Variants in EYA1 observed in about 807,000 individuals in gnomAD.
EYA1 encodes protein phosphatase EYA1.
A neutral mutation model predicts 82.0 loss-of-function variants in EYA1; 16 were observed. That is an observed-to-expected ratio of 0.20 (90% CI 0.13 to 0.30). The LOEUF is 0.30. EYA1 is among the 10% of genes least tolerant of loss of function. The pLI, the probability that EYA1 is intolerant of heterozygous loss-of-function variation, is 1.00. For missense variants in EYA1, 633 were observed against 730.7 expected, an observed-to-expected ratio of 0.87 and a Z score of 1.54; for synonymous variants, 261 against 264.4, an observed-to-expected ratio of 0.99 and a Z score of 0.12.
chr8:71,251,841 T>A (rs998136281), intron 11 of EYA1, among the ~76,000 whole-genome samples: 1 of 147,566 alleles, frequency 6.8e-6, no homozygotes, highest in East Asian at 1.9e-4. Context: ...ATTTTTTTTT[T>A]AATCCTCATC....
chr8:71,199,582 A>G (rs559441970), intron 17 of EYA1, among the ~76,000 whole-genome samples, 162 bp from the exon 18 acceptor site: 1 of 152,190 alleles, frequency 6.6e-6, no homozygotes, highest in South Asian at 2.1e-4. Flanking sequence ...TTCAAACTCA[A>G]TCCTCCCCTA....
chr8:71,423,058 G>GT (rs200977998), intron 2 of EYA1, among the ~76,000 whole-genome samples: 13 of 150,568 alleles, frequency 8.6e-5, no homozygotes, highest in South Asian at 4.2e-4. Context: ...CCTAAATCCT[G>GT]TTTTTTTTTC....
rs1432134967 is a variant in EYA1 at position 71,324,765 on chromosome 8, G to A, written c.203-2497C>T. ...CCTGCGTGGAAATTAGAACTTCACA[G>A]CCATCTTGTTTTCCCCTCTATTTCA... is the stretch of plus-strand genomic sequence containing the variant. On this transcript the variant is annotated intron_variant, in intron 4 of 17. Transcript: ENST00000340726. Among the ~76,000 whole-genome samples the A allele has an allele frequency of 2.6e-5, 4 of 152,208 alleles. No homozygotes were observed. In the East Asian group the frequency reaches 7.7e-4, roughly 29 times the overall value.
chr8:71,346,529 AC>A (rs1329996265), intron 3 of EYA1, among the ~76,000 whole-genome samples: 1 of 147,684 alleles, frequency 6.8e-6, no homozygotes, highest in Non-Finnish European at 1.5e-5. Context: ...TTACCATCTT[AC>A]CATCTACACA....
rs766288763 is a variant in EYA1, at chr8:71,321,774, C to G, written c.378G>C (p.Thr126=). 1 of 1,614,036 alleles carries G rather than the reference C, an allele frequency of 6.2e-7. No individual in the cohort carries two copies. The highest frequency in any genetic ancestry group is 2.2e-5 in the East Asian group (1 of 44,888). ...CGTACGGCTGTCCTGGCTGTGGGTA[C>G]GTGGCATAGGCTGTAGCTTGTTGCA... The part of the protein sequence containing the change: ...TGMQQATAYA[T]YPQPGQPYGI... The change falls in exon 6 of 18, where the codon ACG becomes ACC. Residue 126 remains threonine, a synonymous_variant. Transcript: ENST00000340726.
chr8:71,288,230 A>C (rs926239498), intron 9 of EYA1, among the ~76,000 whole-genome samples: 3 of 152,218 alleles, frequency 2.0e-5, no homozygotes, highest in African/African-American at 7.2e-5. Flanking sequence ...ATCAAAAATC[A>C]GAAAAGACTT....
At chr8:71,380,525 T>C (rs111960814) in intron 2 of EYA1, among the ~76,000 whole-genome samples, 1 of 152,312 alleles carries the variant, frequency 6.6e-6, no homozygotes, top group African/African-American at 2.4e-5. Context: ...TGCTTTCTTC[T>C]TCTAGTCATT....
In EYA1 at chr8:71,349,814, T is replaced by A. The variant is rs191789325; in HGVS notation, c.124+4968A>T. 1.9e-4 allele frequency among the ~76,000 whole-genome samples: 29 copies of A among 151,922 alleles called. 1 individual carries two copies. The highest frequency in any genetic ancestry group is 4.8e-4 in the African/African-American group (20 of 41,446). On this transcript the variant is annotated intron_variant, in intron 3 of 17. Coordinates refer to ENST00000340726, the MANE Select transcript of EYA1 (RefSeq NM_000503.6). ...GCTATGTTGTTGACAATGTTTTAAA[T>A]TTTTTTTTCTAAAGATTAATAAAGC...
At chr8:71,388,428 A>G (rs1482915305) in intron 2 of EYA1, among the ~76,000 whole-genome samples, 2 of 152,208 alleles carry the variant, frequency 1.3e-5, no homozygotes, top group East Asian at 3.8e-4. Context: ...GTGCTCCTAA[A>G]CAGTGAGGGT....
intron 3 of EYA1, among the ~76,000 whole-genome samples, chr8:71,346,452 A>ATATG (rs1011248214): frequency 3.0e-5 from 4 of 134,632 alleles, no homozygotes; most frequent in African/African-American, 1.2e-4. Flanking sequence ...ATATATATAT[A>ATATG]TATCTATATA....
chr8:71,306,322 A>G (rs1391784727), intron 7 of EYA1, among the ~76,000 whole-genome samples: 1 of 152,222 alleles, frequency 6.6e-6, no homozygotes, highest in African/African-American at 2.4e-5. Context: ...TTTCTTGATC[A>G]TTTAAGAAAA....
chr8:71,542,656 T>C (rs1815233295), intron 1 of EYA1, among the ~76,000 whole-genome samples: 1 of 152,254 alleles, frequency 6.6e-6, no homozygotes, highest in Admixed American at 6.5e-5. Flanking sequence ...TCCACAATGG[T>C]TGAACTCATT....
chr8:71,527,238 C>T (rs547791582), intron 2 of EYA1, among the ~76,000 whole-genome samples: 1 of 152,166 alleles, frequency 6.6e-6, no homozygotes, highest in Non-Finnish European at 1.5e-5. Flanking sequence ...GATCACCAAA[C>T]TGAGTACTTG....
chr8:71,418,041 G>A (rs57058036), intron 2 of EYA1, among the ~76,000 whole-genome samples: 215 of 152,140 alleles, frequency 1.4e-3, no homozygotes, highest in African/African-American at 5.0e-3. Context: ...TCTCATTCTT[G>A]CCTCATCTAC....
rs111651831 is a variant in EYA1 at position 71,279,325 on chromosome 8, C to T, written c.827-7428G>A. Among the ~76,000 whole-genome samples, 663 of 152,268 alleles carry T rather than the reference C, an allele frequency of 4.4e-3. 4 individuals are homozygous for T. Among genetic ancestry groups the T allele is most frequent in the African/African-American group, 0.014 (572 of 41,552 alleles). ...GAAGTAGATGTCAGACAACAACTGA[C>T]ACTAAGGCACCCCTGAACTTTGAGA... On this transcript the variant is annotated intron_variant, in intron 9 of 17. Coordinates refer to ENST00000340726, the MANE Select transcript of EYA1 (RefSeq NM_000503.6).
At chr8:71,467,404 G>A (rs2129197226) in intron 2 of EYA1, among the ~76,000 whole-genome samples, 1 of 152,134 alleles carries the variant, frequency 6.6e-6, no homozygotes, top group African/African-American at 2.4e-5. Flanking sequence ...CTTTTGTGGT[G>A]TATTTTCTTC....
chr8:71,331,192 G>A (rs1012503549), intron 4 of EYA1, among the ~76,000 whole-genome samples: 19 of 150,298 alleles, frequency 1.3e-4, no homozygotes, highest in African/African-American at 4.7e-4. Flanking sequence ...TCACACTACA[G>A]CACTCCAGCC....
At chr8:71,349,428 A>C (rs1826086836) in intron 3 of EYA1, among the ~76,000 whole-genome samples, 1 of 152,240 alleles carries the variant, frequency 6.6e-6, no homozygotes, top group African/African-American at 2.4e-5. Flanking sequence ...TCCAGAGAAA[A>C]ATATGGTGAT....
intron 9 of EYA1, 130 bp from the exon 10 acceptor site, chr8:71,272,027 C>T (rs1816606479): frequency 3.2e-6 from 3 of 944,650 alleles, no homozygotes; most frequent in African/African-American, 1.6e-5. Context: ...CCTACATCGT[C>T]TTTTACTTGC....
Sources: gnomAD v4.1 joint callset for allele counts (sites outside exome capture counted in the v4.1 genomes callset) on GRCh38, gnomAD v4.1.1 for gene constraint, MANE v1.5 for transcripts, NCBI Gene and HGNC (gene_info 2026-07-23, HGNC 2026-07-21) for gene names.